The following PCDHGA11 variants were observed in gnomAD, a reference collection of about 807,000 sequenced individuals.
PCDHGA11 encodes the protein protocadherin gamma subfamily A, 11, also known as protocadherin gamma-A11.
In PCDHGA11, 39 loss-of-function variants were observed where a neutral mutation model predicts 60.4. The observed-to-expected ratio is 0.65, with a 90% CI of 0.50 to 0.84. PCDHGA11 has a LOEUF of 0.84. Ranked by LOEUF, PCDHGA11 falls within the 40% of genes least tolerant of loss-of-function variation. The pLI is 0.00. For synonymous variants in PCDHGA11, 533 were observed against 510.3 expected, an observed-to-expected ratio of 1.04 and a Z score of -0.60; for missense variants, 1,165 against 1,197.7, an observed-to-expected ratio of 0.97 and a Z score of 0.40.
At chr5:141,457,524 G>A (rs1427291573) in intron 1 of PCDHGA11, among the ~76,000 whole-genome samples, 1 of 152,188 alleles carries the variant, frequency 6.6e-6, no homozygotes, top group African/African-American at 2.4e-5. Context: ...CAATTAATGA[G>A]ACTAGGGTTT....
chr5:141,497,509 C>T (rs1282025317), intron 2 of PCDHGA11, among the ~76,000 whole-genome samples: 1 of 151,184 alleles, frequency 6.6e-6, no homozygotes, highest in Non-Finnish European at 1.5e-5. Flanking sequence ...CTCTCTGCTT[C>T]CTTAGTTAAC....
Position 141,491,574 on chromosome 5 carries a change from T to G in PCDHGA11, c.2434-3233T>G. Reference sequence around the variant, plus strand: ...AGAGCCACTGCTACAGGACGTGCTTTTCACCGGCCTCGGACGGCAGTGACT... The same window carrying G: ...AGAGCCACTGCTACAGGACGTGCTTGTCACCGGCCTCGGACGGCAGTGACT... On this transcript the variant is annotated intron_variant, in intron 1 of 3. Transcript: ENST00000398587. This position sits in a 1 kb window ranked among gnomAD's most constrained non-coding sequence, Gnocchi z 6.9. The G allele has an allele frequency of 6.2e-7, 1 of 1,613,956 alleles. No homozygotes were observed. Among genetic ancestry groups the G allele is most frequent in the Non-Finnish European group, 8.5e-7 (1 of 1,180,032 alleles).
rs115565444 is a variant in PCDHGA11, at chr5:141,487,520, G to A, written c.2434-7287G>A. On this transcript the variant is annotated intron_variant, in intron 1 of 3. Transcript: ENST00000398587. This position sits in a 1 kb window ranked among gnomAD's most constrained non-coding sequence, Gnocchi z 5.0. ...CTTGGCTTCTGCACCCACTCGGAGT[G>A]ATAGCTTCATGATGGTGAAGTCACC... is the stretch of plus-strand genomic sequence containing the variant. The A allele has an allele frequency of 3.3e-4, 540 of 1,614,166 alleles. 6 individuals carry two copies. The East Asian group carries it at 8.7e-3, about 26-fold the overall frequency.
At chr5:141,469,468 G>A (rs62379200) in intron 1 of PCDHGA11, among the ~76,000 whole-genome samples, 32,669 of 151,998 alleles carry the variant, frequency 0.21, 3,638 homozygotes, top group African/African-American at 0.27. Context: ...TCAGCTACTC[G>A]GGAGGCTGAG....
In PCDHGA11 at chr5:141,427,967, G is replaced by A. The variant is rs535332244; in HGVS notation, c.2433+4307G>A. On this transcript the variant is annotated intron_variant, in intron 1 of 3. Coordinates refer to ENST00000398587, the MANE Select transcript of PCDHGA11 (RefSeq NM_018914.3). The stretch of plus-strand genomic sequence containing the variant: ...TCAATGACAATGTGCCGCGGGTGCT[G>A]TACCCCGCGCTGGGGCCCGATGGCT... 10 of 1,591,190 alleles carry A rather than the reference G, an allele frequency of 6.3e-6. No individual in the cohort carries two copies. In the East Asian group the frequency reaches 8.9e-5, roughly 14 times the overall value.
intron 1 of PCDHGA11, among the ~76,000 whole-genome samples, chr5:141,438,633 T>C (rs1222106413): frequency 2.9e-5 from 1 of 34,046 alleles, no homozygotes; most frequent in Non-Finnish European, 5.1e-5. Context: ...TATATATATA[T>C]ATACACACAC....
At chr5:141,506,306 G>A (rs539365378) in intron 3 of PCDHGA11, among the ~76,000 whole-genome samples, 4 of 152,040 alleles carry the variant, frequency 2.6e-5, no homozygotes, top group Non-Finnish European at 5.9e-5. Flanking sequence ...AAAATTAGCT[G>A]GGCATGGTGG....
rs192747939 is a variant in PCDHGA11 at position 141,487,483 on chromosome 5, T to C, written c.2434-7324T>C. 12 of 1,614,224 alleles carry C rather than the reference T, an allele frequency of 7.4e-6. No individual in the cohort carries two copies. In the Admixed American group the frequency reaches 1.8e-4, roughly 25 times the overall value. On this transcript the variant is annotated intron_variant, in intron 1 of 3. Coordinates refer to ENST00000398587, the MANE Select transcript of PCDHGA11 (RefSeq NM_018914.3). This position sits in a 1 kb window ranked among gnomAD's most constrained non-coding sequence, Gnocchi z 5.0. ...TTGTTGATGTGGGAGGCCACTCTCA[T>C]GGCTGTACACCCTTGGCTTCTGCAC... is the stretch of plus-strand genomic sequence containing the variant.
chr5:141,455,924 G>A (rs2098837630), intron 1 of PCDHGA11, among the ~76,000 whole-genome samples: 1 of 149,978 alleles, frequency 6.7e-6, no homozygotes. Flanking sequence ...TTGAGACGGA[G>A]TCTCGCTCTG....
chr5:141,504,228 C>T lies in PCDHGA11; in HGVS notation c.2493-1165C>T, dbSNP rs114896014. Among the ~76,000 whole-genome samples, 193 of 152,312 alleles carry T rather than the reference C, an allele frequency of 1.3e-3. 1 individual carries two copies. The highest frequency in any genetic ancestry group is 2.1e-3 in the Admixed American group (32 of 15,304). ...AAAATTCCAAGTAGAGCTGAACCTT[C>T]TAAGAAGCAGAGAGTTCTTCTTATG... On this transcript the variant is annotated intron_variant, in intron 2 of 3. Coordinates refer to ENST00000398587, the MANE Select transcript of PCDHGA11 (RefSeq NM_018914.3).
In PCDHGA11 at chr5:141,432,872, C is replaced by A. The variant is rs73280906; in HGVS notation, c.2433+9212C>A. The stretch of plus-strand genomic sequence containing the variant: ...GGTGGCCGCGGTCTCCTGCGTCTTC[C>A]TGGCCTTCGTCATCTTGCTGCTGGC... On this transcript the variant is annotated intron_variant, in intron 1 of 3. Transcript: ENST00000398587. The surrounding 1 kb of genome is among the most constrained non-coding windows in gnomAD (Gnocchi z 6.0). 2,361 of 1,614,192 alleles carry A rather than the reference C, an allele frequency of 1.5e-3. 32 individuals carry two copies. In the African/African-American group the frequency reaches 0.028, roughly 19 times the overall value.
chr5:141,457,428 C>G (rs72790053), intron 1 of PCDHGA11, among the ~76,000 whole-genome samples: 1,866 of 152,262 alleles, frequency 0.012, 18 homozygotes, highest in Non-Finnish European at 0.017. Context: ...TTTTTCCCCC[C>G]CACCAAGCTG....
intron 1 of PCDHGA11, among the ~76,000 whole-genome samples, chr5:141,484,821 G>A (rs1367529999): frequency 6.6e-6 from 1 of 152,122 alleles, no homozygotes; most frequent in Admixed American, 6.5e-5. Context: ...CGTTGAGCGG[G>A]AGGAAGGCGA....
At chr5:141,494,190 G>GAGAA (rs2099752701) in intron 1 of PCDHGA11, among the ~76,000 whole-genome samples, 1 of 152,186 alleles carries the variant, frequency 6.6e-6, no homozygotes, top group Non-Finnish European at 1.5e-5. Flanking sequence ...CCCGGGACTT[G>GAGAA]GATGCCCCGC....
At position 141,423,087 on chromosome 5, in the gene PCDHGA11, G is replaced by C. The variant is rs756067751; in HGVS notation, c.1860G>C (p.Val620=). 1.2e-6 allele frequency: 2 copies of C among 1,613,936 alleles called. No individual in the cohort carries two copies. The highest frequency in any genetic ancestry group is 1.3e-5 in the African/African-American group (1 of 74,958). Residue 620 remains valine (V), a synonymous_variant, in exon 1 of 4, where the codon GTG becomes GTC. Coordinates refer to ENST00000398587, the MANE Select transcript of PCDHGA11 (RefSeq NM_018914.3). ...LKASEPGLFA[V]GEHTGEVRTA... ...CCAGCGAGCCGGGACTCTTCGCGGT[G>C]GGGGAGCACACGGGCGAGGTGCGTA...
At position 141,494,852 on chromosome 5, in the gene PCDHGA11, C is replaced by T. The variant is rs755464933; in HGVS notation, c.2479C>T (p.Pro827Ser). ...TDWRFSQAQR[P>S]GTSGSQNGDD... is the part of the protein sequence containing the mutation. Reference sequence around the variant, plus strand: ...CTGGCGTTTCTCTCAGGCCCAGAGACCCGGCACCAGCGGGTAGGTGACTGA... The same window carrying T: ...CTGGCGTTTCTCTCAGGCCCAGAGATCCGGCACCAGCGGGTAGGTGACTGA... The change falls in exon 2 of 4, where the codon CCC (proline) becomes TCC (serine). Residue 827 changes from proline (P) to serine (S), a missense_variant. Coordinates refer to ENST00000398587, the MANE Select transcript of PCDHGA11 (RefSeq NM_018914.3). 6 of 1,614,042 alleles carry T rather than the reference C, an allele frequency of 3.7e-6. No homozygotes were observed. Among genetic ancestry groups the T allele is most frequent in the Admixed American group, 1.7e-5 (1 of 60,000 alleles).
chr5:141,423,006 T>A lies in PCDHGA11; in HGVS notation c.1779T>A (p.Val593=). ...CTGGCTACCTGGTGACCAAGGTGGT[T>A]GCGGTGGACAAAGATTCAGGCCAGA... The part of the protein sequence containing the change: ...AEPGYLVTKV[V]AVDKDSGQNA... The change falls in exon 1 of 4, where the codon GTT becomes GTA. Residue 593 remains valine (V), a synonymous_variant. Coordinates refer to ENST00000398587, the MANE Select transcript of PCDHGA11 (RefSeq NM_018914.3). 1.2e-6 allele frequency: 2 copies of A among 1,614,198 alleles called. No individual in the cohort carries two copies. Among genetic ancestry groups the A allele is most frequent in the Non-Finnish European group, 1.7e-6 (2 of 1,180,038 alleles).
chr5:141,484,930 G>A (rs992641330), intron 1 of PCDHGA11: 2 of 501,452 alleles, frequency 4.0e-6, no homozygotes, highest in South Asian at 2.6e-5. Flanking sequence ...CTGCTGTTGG[G>A]ACGTTCTCTG....
intron 1 of PCDHGA11, among the ~76,000 whole-genome samples, chr5:141,445,945 C>G (rs1433543714): frequency 1.3e-5 from 2 of 152,254 alleles, no homozygotes; most frequent in Non-Finnish European, 2.9e-5. Flanking sequence ...TAAGCTTACT[C>G]TGGCTGCTAT....
Sources: allele counts gnomAD v4.1 joint callset (sites outside exome capture counted in the v4.1 genomes callset), GRCh38; gene constraint gnomAD v4.1.1; non-coding constraint Gnocchi (gnomAD v3.1); transcripts MANE v1.5; gene names NCBI Gene and HGNC (gene_info 2026-07-23, HGNC 2026-07-21).